The following FAM78B variants were observed in gnomAD, a reference collection of about 807,000 sequenced individuals.
The protein encoded by FAM78B is family with sequence similarity 78 member B.
In FAM78B, 10 loss-of-function variants were observed where a neutral mutation model predicts 20.0. The observed-to-expected ratio is 0.50, with a 90% CI of 0.31 to 0.85. The LOEUF is 0.85. FAM78B is among the 40% of genes least tolerant of loss of function. The pLI, the probability that FAM78B is intolerant of heterozygous loss-of-function variation, is 0.05. For synonymous variants in FAM78B, 135 were observed against 132.8 expected, an observed-to-expected ratio of 1.02 and a Z score of -0.12; for missense variants, 283 against 345.0, an observed-to-expected ratio of 0.82 and a Z score of 1.42.
intron 1 of FAM78B, among the ~76,000 whole-genome samples, chr1:166,109,832 GTATATATGTA>G (rs1653938683): frequency 7.1e-5 from 2 of 28,274 alleles, no homozygotes; most frequent in East Asian, 1.4e-3. Context: ...ATATATATAT[GTATATATGTA>G]TATATATATA....
At chr1:166,080,032 AT>A (rs1652501568) in intron 1 of FAM78B, among the ~76,000 whole-genome samples, 1 of 152,190 alleles carries the variant, frequency 6.6e-6, no homozygotes, top group Non-Finnish European at 1.5e-5. Flanking sequence ...TGAGGTGGGC[AT>A]CTTTCTATTT....
intron 1 of FAM78B, among the ~76,000 whole-genome samples, chr1:166,082,990 G>T (rs961155347): frequency 6.6e-6 from 1 of 152,260 alleles, no homozygotes; most frequent in Non-Finnish European, 1.5e-5. Context: ...GGGGCATGGG[G>T]GTGCAACACA....
intron 1 of FAM78B, among the ~76,000 whole-genome samples, chr1:166,117,828 T>C (rs1654316537): frequency 6.6e-6 from 1 of 151,858 alleles, no homozygotes; most frequent in African/African-American, 2.4e-5. Context: ...AGAGGTTGAG[T>C]CAAGCGGGTT....
chr1:166,074,060 A>C lies in FAM78B; in HGVS notation c.264-3297T>G, dbSNP rs551842285. Among the ~76,000 whole-genome samples the C allele has an allele frequency of 1.8e-4, 28 of 152,302 alleles. No homozygotes were observed. In the South Asian group the frequency reaches 5.6e-3, roughly 30 times the overall value. ...TGCATCCAACTCTGGTCTCTCTCAA[A>C]TCCATCTTTTAGGTTGTCCAAGTGT... On this transcript the variant is annotated intron_variant, in intron 1 of 1. Coordinates refer to ENST00000354422, the MANE Select transcript of FAM78B (RefSeq NM_001017961.5).
chr1:166,111,036 A>G (rs903930264), intron 1 of FAM78B, among the ~76,000 whole-genome samples: 4 of 152,222 alleles, frequency 2.6e-5, no homozygotes, highest in Non-Finnish European at 4.4e-5. Flanking sequence ...ACCATCTTGG[A>G]TAACCCAGCT....
chr1:166,063,419 C>G (rs1232037767), intron 2 of FAM78B, among the ~76,000 whole-genome samples: 5 of 152,138 alleles, frequency 3.3e-5, no homozygotes, highest in Non-Finnish European at 7.4e-5. Context: ...CTCGCTTGCA[C>G]AGGGGCAGGT....
At chr1:166,078,652 A>AAAAG (rs1652431930) in intron 1 of FAM78B, among the ~76,000 whole-genome samples, 1 of 152,186 alleles carries the variant, frequency 6.6e-6, no homozygotes, top group Admixed American at 6.5e-5. Context: ...AACTTCTCTG[A>AAAAG]AAAGAACCCC....
intron 1 of FAM78B, among the ~76,000 whole-genome samples, chr1:166,146,981 G>A (rs1166453780): frequency 2.0e-5 from 3 of 152,184 alleles, no homozygotes; most frequent in Non-Finnish European, 4.4e-5. Flanking sequence ...ACACAAAGCT[G>A]TAAGGTTCCT....
intron 1 of FAM78B, among the ~76,000 whole-genome samples, chr1:166,095,236 T>A (rs900332140): frequency 6.6e-6 from 1 of 151,452 alleles, no homozygotes; most frequent in African/African-American, 2.4e-5. Context: ...GTGTGCGGAG[T>A]GGGCTCCCTT....
chr1:166,142,330 T>G (rs773477181), intron 1 of FAM78B, among the ~76,000 whole-genome samples: 4 of 152,174 alleles, frequency 2.6e-5, no homozygotes, highest in Non-Finnish European at 5.9e-5. Flanking sequence ...CCCTGTGCCC[T>G]AAGTCTTCTG....
intron 1 of FAM78B, among the ~76,000 whole-genome samples, chr1:166,072,991 C>T (rs1240862093): frequency 6.6e-6 from 1 of 152,158 alleles, no homozygotes; most frequent in East Asian, 1.9e-4. Flanking sequence ...TGCAAGTCAG[C>T]CTTGTAAGAC....
chr1:166,107,449 A>G (rs975973905), intron 1 of FAM78B, among the ~76,000 whole-genome samples: 8 of 152,170 alleles, frequency 5.3e-5, no homozygotes, highest in African/African-American at 1.9e-4. Context: ...AGCTTAAATC[A>G]GGAAGAATTA....
Position 166,166,420 on chromosome 1 carries a change from T to C in FAM78B, c.-172A>G, listed in dbSNP as rs968966197. ...CATCCTTGGGGAAGCCCCCTCCTCT[T>C]GCAGCCGCGCGGGGTCCCCGCTGCC... On this transcript the variant is annotated 5_prime_UTR_variant, in exon 1 of 2. Coordinates refer to ENST00000354422, the MANE Select transcript of FAM78B (RefSeq NM_001017961.5). The C allele has an allele frequency of 3.6e-5, 15 of 418,202 alleles. No individual in the cohort carries two copies. Among genetic ancestry groups the C allele is most frequent in the African/African-American group, 3.0e-4 (14 of 46,144 alleles). 25.9% of individuals were successfully genotyped at this position (418,202 alleles called of 1,614,324 possible). A position where few individuals can be genotyped will look rare whatever the true frequency, so the allele number is the denominator to read the frequency against.
chr1:166,161,003 T>C (rs977651054), intron 1 of FAM78B, among the ~76,000 whole-genome samples: 17 of 152,164 alleles, frequency 1.1e-4, no homozygotes, highest in East Asian at 1.9e-4. Flanking sequence ...GGGCAGGAAG[T>C]AGCTAGAGCA....
At chr1:166,145,724 G>A (rs1277379543) in intron 1 of FAM78B, among the ~76,000 whole-genome samples, 6 of 152,150 alleles carry the variant, frequency 3.9e-5, no homozygotes, top group Non-Finnish European at 8.8e-5. Context: ...GCCCATCCAC[G>A]CAAGCTTTTC....
intron 1 of FAM78B, among the ~76,000 whole-genome samples, chr1:166,128,389 T>C (rs1405298412): frequency 2.0e-5 from 3 of 152,228 alleles, no homozygotes; most frequent in Non-Finnish European, 4.4e-5. Context: ...GGACAGAGCC[T>C]GGGCTGGCAG....
chr1:166,115,711 G>A lies in FAM78B; in HGVS notation c.264-44948C>T, dbSNP rs182819992. Among the ~76,000 whole-genome samples the A allele has an allele frequency of 1.9e-3, 290 of 152,290 alleles. 2 individuals are homozygous for A. Among genetic ancestry groups the A allele is most frequent in the African/African-American group, 1.4e-3 (60 of 41,560 alleles). On this transcript the variant is annotated intron_variant, in intron 1 of 1. Transcript: ENST00000354422. ...GTAAGTGCTGAAAGGCATTTGGAGC[G>A]GCTGAGGGCTCAAGAAAGGGCTTCC... is the stretch of plus-strand genomic sequence containing the variant.
At chr1:166,143,827 C>T (rs756552354) in intron 1 of FAM78B, among the ~76,000 whole-genome samples, 4 of 152,172 alleles carry the variant, frequency 2.6e-5, no homozygotes, top group Non-Finnish European at 2.9e-5. Context: ...CCCTTAACCA[C>T]GTGAGCCCCT....
intron 1 of FAM78B, among the ~76,000 whole-genome samples, chr1:166,109,808 A>ATATATG (rs1197253532): frequency 2.9e-5 from 1 of 34,708 alleles, no homozygotes; most frequent in Non-Finnish European, 5.3e-5. Flanking sequence ...ATATATATGT[A>ATATATG]TATATGTATA....
Sources: allele counts gnomAD v4.1 joint callset (sites outside exome capture counted in the v4.1 genomes callset), GRCh38; gene constraint gnomAD v4.1.1; transcripts MANE v1.5; gene names NCBI Gene and HGNC (gene_info 2026-07-23, HGNC 2026-07-21).